HDGFL3: variants seen among roughly 807,000 people sequenced by gnomAD.
The protein encoded by HDGFL3 is hepatoma-derived growth factor-related protein 3.
A neutral mutation model predicts 27.6 loss-of-function variants in HDGFL3; 6 were observed. The observed-to-expected ratio is 0.22, with a 90% confidence interval of 0.12 to 0.43. The LOEUF is 0.43. Ranked by LOEUF, HDGFL3 falls within the 20% of genes least tolerant of loss-of-function variation. The pLI is 1.00. For missense variants in HDGFL3, 207 were observed against 250.1 expected (o/e 0.83, Z 1.16); for synonymous variants, 88 against 88.9 (o/e 0.99, Z 0.05).
At chr15:83,206,193 G>A (rs1044148790) in intron 1 of HDGFL3, among the ~76,000 whole-genome samples, 4 of 152,108 alleles carry the variant, frequency 2.6e-5, no homozygotes, top group Admixed American at 2.0e-4. Context: ...CTGGCCACTC[G>A]TGATGTCACT....
chr15:83,159,799 A>G (rs1421205257), intron 2 of HDGFL3, among the ~76,000 whole-genome samples: 1 of 152,218 alleles, frequency 6.6e-6, no homozygotes, highest in Non-Finnish European at 1.5e-5. Flanking sequence ...GTGTGGCTAG[A>G]GTGAAATGAG....
At chr15:83,166,162 C>A (rs1397227782) in intron 1 of HDGFL3, among the ~76,000 whole-genome samples, 1 of 151,908 alleles carries the variant, frequency 6.6e-6, no homozygotes, top group Non-Finnish European at 1.5e-5. Flanking sequence ...CTAGACTGTC[C>A]AACATCAACT....
intron 1 of HDGFL3, among the ~76,000 whole-genome samples, chr15:83,191,718 A>T (rs2037512437): frequency 1.3e-5 from 2 of 152,092 alleles, no homozygotes; most frequent in African/African-American, 4.8e-5. Context: ...TCTGTCATTT[A>T]TTTGGCTAAC....
intron 2 of HDGFL3, among the ~76,000 whole-genome samples, chr15:83,162,674 C>A (rs62010215): frequency 6.6e-6 from 1 of 151,818 alleles, no homozygotes; most frequent in Non-Finnish European, 1.5e-5. Flanking sequence ...ATTTCTCTCA[C>A]GAAAAAAAGT....
intron 1 of HDGFL3, among the ~76,000 whole-genome samples, chr15:83,165,326 T>C (rs1034233123): frequency 5.3e-5 from 8 of 152,232 alleles, no homozygotes; most frequent in African/African-American, 1.9e-4. Context: ...AACTGCAGTT[T>C]CTTTATCTCT....
intron 1 of HDGFL3, among the ~76,000 whole-genome samples, chr15:83,167,725 T>C (rs774812852): frequency 2.0e-5 from 3 of 152,074 alleles, no homozygotes; most frequent in East Asian, 3.9e-4. Context: ...ACAATAATAG[T>C]GGGAAACTTC....
chr15:83,190,225 A>G (rs950581513), intron 1 of HDGFL3, among the ~76,000 whole-genome samples: 50 of 143,004 alleles, frequency 3.5e-4, no homozygotes, highest in Admixed American at 1.9e-3. Context: ...AAAAAAAAAA[A>G]GCTTGCTCAT....
intron 4 of HDGFL3, among the ~76,000 whole-genome samples, chr15:83,153,548 C>T (rs2036990487): frequency 6.6e-6 from 1 of 152,102 alleles, no homozygotes; most frequent in Non-Finnish European, 1.5e-5. Flanking sequence ...AAAAGCTTTT[C>T]AGATTACTGA....
chr15:83,142,742 C>A (rs2036802765), intron 5 of HDGFL3, among the ~76,000 whole-genome samples: 1 of 151,888 alleles, frequency 6.6e-6, no homozygotes, highest in Non-Finnish European at 1.5e-5. Flanking sequence ...TCTTCATATA[C>A]CTTCAACCAC....
intron 1 of HDGFL3, among the ~76,000 whole-genome samples, chr15:83,180,315 G>A (rs2037364825): frequency 6.6e-6 from 1 of 152,132 alleles, no homozygotes; most frequent in South Asian, 2.1e-4. Flanking sequence ...CATAAGAAAA[G>A]AATGGAAGAA....
intron 1 of HDGFL3, among the ~76,000 whole-genome samples, chr15:83,169,390 G>C (rs1266449634): frequency 8.3e-6 from 1 of 120,986 alleles, no homozygotes; most frequent in African/African-American, 3.3e-5. Flanking sequence ...ACTCCAGCCT[G>C]GGCGACAGAG....
At chr15:83,178,271 T>A (rs1192120420) in intron 1 of HDGFL3, among the ~76,000 whole-genome samples, 1 of 152,212 alleles carries the variant, frequency 6.6e-6, no homozygotes, top group Non-Finnish European at 1.5e-5. Flanking sequence ...AGAATTTTGT[T>A]TTCTGTGTCA....
intron 3 of HDGFL3, chr15:83,119,725 C>G (rs371155615): frequency 6.2e-7 from 1 of 1,612,084 alleles, no homozygotes; most frequent in Non-Finnish European, 8.5e-7. Flanking sequence ...CCTTAGCAAC[C>G]GATAAGCGGG....
downstream of HDGFL3, chr15:83,124,860 T>C (rs1217304149): frequency 2.2e-5 from 27 of 1,252,948 alleles, no homozygotes; most frequent in Admixed American, 7.3e-5. Flanking sequence ...TATGTTTTTG[T>C]TTTTCCATCA....
intron 1 of HDGFL3, among the ~76,000 whole-genome samples, chr15:83,206,546 G>A (rs534858198): frequency 2.8e-4 from 43 of 152,296 alleles, no homozygotes; most frequent in African/African-American, 1.0e-3. Context: ...AGAGCCCAAC[G>A]ACAACCTTGT....
chr15:83,188,788 C>T (rs1477571274), intron 1 of HDGFL3, among the ~76,000 whole-genome samples: 1 of 152,054 alleles, frequency 6.6e-6, no homozygotes, highest in East Asian at 1.9e-4. Flanking sequence ...TTTTAAATGC[C>T]ACCTGTATGT....
chr15:83,119,692 T>G, intron 3 of HDGFL3: 1 of 1,614,050 alleles, frequency 6.2e-7, no homozygotes, highest in Non-Finnish European at 8.5e-7. Flanking sequence ...GTAAGTCAGT[T>G]CACCTGGTGT....
At chr15:83,176,623 G>C (rs752152318) in intron 1 of HDGFL3, among the ~76,000 whole-genome samples, 1 of 152,092 alleles carries the variant, frequency 6.6e-6, no homozygotes, top group Non-Finnish European at 1.5e-5. Flanking sequence ...CATTAGAAAT[G>C]CTTATTCTCA....
chr15:83,205,569 A>G (rs2037706586), intron 1 of HDGFL3, among the ~76,000 whole-genome samples: 1 of 152,210 alleles, frequency 6.6e-6, no homozygotes, highest in Admixed American at 6.5e-5. Flanking sequence ...TACAGGCAAC[A>G]TATTAATGAA....
Sources: allele counts gnomAD v4.1 joint callset (sites outside exome capture counted in the v4.1 genomes callset), GRCh38; gene constraint gnomAD v4.1.1; transcripts MANE v1.5; gene names NCBI Gene and HGNC (gene_info 2026-07-23, HGNC 2026-07-21).